Variants in MED13L observed in about 807,000 individuals in gnomAD.
The protein encoded by MED13L is mediator of RNA polymerase II transcription subunit 13-like.
MED13L carries 7 observed loss-of-function variants against 220.9 expected under a neutral mutation model. The ratio of observed to expected loss-of-function variants is 0.03; its 90% CI spans 0.02 to 0.06. MED13L has a LOEUF of 0.06. Among genes scored for constraint, MED13L ranks in the 10% least tolerant of loss-of-function variants. The pLI is 1.00. For missense variants in MED13L, 1,965 were observed against 2,760.5 expected (o/e 0.71, Z 6.46); for synonymous variants, 1,011 against 1,015.2 (o/e 1.00, Z 0.08).
intron 2 of MED13L, among the ~76,000 whole-genome samples, chr12:116,206,943 C>G (rs942450678): frequency 2.0e-4 from 30 of 151,974 alleles, no homozygotes; most frequent in Admixed American, 1.9e-3. Context: ...CACTGTGTAA[C>G]CAGTTGGTGA....
intron 4 of MED13L, among the ~76,000 whole-genome samples, chr12:116,064,871 T>C (rs1392610199): frequency 6.6e-6 from 1 of 152,210 alleles, no homozygotes; most frequent in Non-Finnish European, 1.5e-5. Flanking sequence ...CCCATCCATT[T>C]TGTCCACTGT....
intron 17 of MED13L, among the ~76,000 whole-genome samples, chr12:115,990,330 G>A (rs1565996546): frequency 3.3e-5 from 5 of 152,206 alleles, no homozygotes; most frequent in Non-Finnish European, 7.3e-5. Flanking sequence ...ATGCGTGCTT[G>A]TGTAATTATT....
intron 2 of MED13L, among the ~76,000 whole-genome samples, chr12:116,135,713 A>G (rs1481002349): frequency 6.6e-6 from 1 of 152,164 alleles, no homozygotes; most frequent in East Asian, 1.9e-4. Flanking sequence ...AGATGAAGGA[A>G]TAGCTATTCA....
At chr12:116,110,786 CCTA>C (rs1195351171) in intron 3 of MED13L, among the ~76,000 whole-genome samples, 7 of 152,026 alleles carry the variant, frequency 4.6e-5, no homozygotes, top group Non-Finnish European at 4.4e-5. Context: ...CTATGGTATT[CCTA>C]CTACTAATAA....
chr12:116,133,388 C>A (rs1340686453), intron 2 of MED13L, among the ~76,000 whole-genome samples: 1 of 152,176 alleles, frequency 6.6e-6, no homozygotes. Context: ...GAAGTGCTAA[C>A]AATCTGGAAA....
intron 2 of MED13L, among the ~76,000 whole-genome samples, chr12:116,133,255 A>T (rs1449416329): frequency 6.6e-6 from 1 of 152,138 alleles, no homozygotes; most frequent in Admixed American, 6.5e-5. Context: ...AAATTTCCAA[A>T]CTGTACTCAC....
At chr12:116,000,420 C>G (rs950915834) in intron 14 of MED13L, among the ~76,000 whole-genome samples, 4 of 152,172 alleles carry the variant, frequency 2.6e-5, no homozygotes, top group African/African-American at 9.7e-5. Flanking sequence ...TGCACTTCAG[C>G]GGGAACTCAT....
intron 2 of MED13L, among the ~76,000 whole-genome samples, chr12:116,186,340 T>G (rs1416649769): frequency 6.6e-6 from 1 of 152,232 alleles, no homozygotes; most frequent in East Asian, 1.9e-4. Flanking sequence ...CAGAAGAGAT[T>G]AGACATCAGA....
chr12:115,962,400 C>T (rs544858623), intron 30 of MED13L, among the ~76,000 whole-genome samples: 47 of 152,282 alleles, frequency 3.1e-4, no homozygotes, highest in African/African-American at 5.3e-4. Context: ...TGACAGGAGG[C>T]GGAGCACAGG....
At chr12:116,220,018 A>G (rs1395141292) in intron 2 of MED13L, among the ~76,000 whole-genome samples, 1 of 151,872 alleles carries the variant, frequency 6.6e-6, no homozygotes, top group Non-Finnish European at 1.5e-5. Flanking sequence ...GCTGGTCTTG[A>G]ACTCCTGACC....
At chr12:116,216,960 A>G (rs1883035928) in intron 2 of MED13L, among the ~76,000 whole-genome samples, 1 of 152,252 alleles carries the variant, frequency 6.6e-6, no homozygotes, top group Admixed American at 6.5e-5. Context: ...CTTAAAGCAA[A>G]AATCTGTTGT....
At chr12:116,162,682 T>C (rs753389536) in intron 2 of MED13L, among the ~76,000 whole-genome samples, 2 of 151,772 alleles carry the variant, frequency 1.3e-5, no homozygotes, top group Non-Finnish European at 2.9e-5. Context: ...TCAGAAACAA[T>C]AAAATTCACA....
At chr12:116,084,050 T>C (rs964474457) in intron 4 of MED13L, among the ~76,000 whole-genome samples, 8 of 152,364 alleles carry the variant, frequency 5.3e-5, no homozygotes, top group South Asian at 2.1e-4. Flanking sequence ...GCATCATCTA[T>C]AGAGCATACC....
chr12:116,152,955 A>C (rs1878162532), intron 2 of MED13L, among the ~76,000 whole-genome samples: 1 of 152,100 alleles, frequency 6.6e-6, no homozygotes. Flanking sequence ...CAGGAAAAAA[A>C]AAAAATTCCG....
Position 116,016,725 on chromosome 12 carries a change from C to G in MED13L, c.1010-1451G>C, listed in dbSNP as rs114834716. On this transcript the variant is annotated intron_variant, in intron 7 of 30. Coordinates refer to ENST00000281928, the MANE Select transcript of MED13L (RefSeq NM_015335.5). ...GACTGAACTAAAATCTGAGTGGTAT[C>G]TTAGATGGAATTAAACAAGACTTGT... Among the ~76,000 whole-genome samples the G allele has an allele frequency of 3.2e-3, 480 of 152,234 alleles. 2 individuals carry two copies. Among genetic ancestry groups the G allele is most frequent in the African/African-American group, 0.011 (438 of 41,544 alleles).
chr12:116,184,546 T>A (rs999480894), intron 2 of MED13L, among the ~76,000 whole-genome samples: 4 of 151,924 alleles, frequency 2.6e-5, no homozygotes, highest in African/African-American at 9.7e-5. Flanking sequence ...TAAGAAAAAA[T>A]TTTGTGGCAA....
rs764384525 is a variant in MED13L, at chr12:115,983,364, A to T, written c.4708T>A (p.Ser1570Thr). The change falls in exon 21 of 31, where the codon TCT becomes ACT. Residue 1570 changes from serine (S) to threonine (T), a missense_variant. Ser to Thr is a moderately conservative substitution (Grantham distance 58). Transcript: ENST00000281928. Reference protein sequence around the residue: ...SAFNPTSNSSSTNPAASSSAS... With the variant: ...SAFNPTSNSSTTNPAASSSAS... ...GAACTACTTGCTGCAGGATTTGTAG[A>T]ACTACTATTCGAGGTGGGATTAAAT... The T allele has an allele frequency of 1.1e-5, 18 of 1,614,062 alleles. No individual in the cohort carries two copies. The highest frequency in any genetic ancestry group is 7.7e-5 in the South Asian group (7 of 91,088).
intron 2 of MED13L, among the ~76,000 whole-genome samples, chr12:116,168,546 C>A (rs1593123185): frequency 6.6e-6 from 1 of 152,254 alleles, no homozygotes; most frequent in East Asian, 1.9e-4. Context: ...CTTAGCTTCT[C>A]AGGTACCAAG....
At chr12:116,042,022 C>T (rs573719515) in intron 4 of MED13L, among the ~76,000 whole-genome samples, 38 of 152,290 alleles carry the variant, frequency 2.5e-4, no homozygotes, top group Admixed American at 1.2e-3. Flanking sequence ...TGCCATGAAA[C>T]CTATTTTACT....
Sources: gnomAD v4.1 joint callset for allele counts (sites outside exome capture counted in the v4.1 genomes callset) on GRCh38, gnomAD v4.1.1 for gene constraint, MANE v1.5 for transcripts, NCBI Gene and HGNC (gene_info 2026-07-23, HGNC 2026-07-21) for gene names.